The following NCKAP5 variants were observed in gnomAD, a reference collection of about 807,000 sequenced individuals.
NCKAP5 encodes NCK associated protein 5.
NCKAP5 carries 92 observed loss-of-function variants against 167.0 expected under a neutral mutation model. The observed-to-expected ratio is 0.55, with a 90% confidence interval of 0.47 to 0.66. The LOEUF (loss-of-function observed/expected upper bound fraction) is 0.66. Ranked by LOEUF, NCKAP5 falls within the 30% of genes least tolerant of loss-of-function variation. NCKAP5 has a pLI of 0.00. For missense variants in NCKAP5, 2,378 were observed against 2,315.0 expected (o/e 1.03, Z -0.56); for synonymous variants, 891 against 877.4 (o/e 1.02, Z -0.27).
chr2:133,616,378 G>A, the NCKAP5 span, among the ~76,000 whole-genome samples: 1 of 152,026 alleles, frequency 6.6e-6, no homozygotes, highest in Non-Finnish European at 1.5e-5. Context: ...TTTTTTGAAA[G>A]CATCAACAAA....
chr2:133,330,409 T>C (rs1682775691), intron 3 of NCKAP5, among the ~76,000 whole-genome samples: 1 of 150,612 alleles, frequency 6.6e-6, no homozygotes, highest in Admixed American at 6.6e-5. Context: ...TTTTTTTTTT[T>C]CTTATTAAAT....
intron 8 of NCKAP5, among the ~76,000 whole-genome samples, chr2:132,904,488 T>C (rs1267155756): frequency 6.6e-5 from 10 of 152,152 alleles, no homozygotes; most frequent in Admixed American, 5.2e-4. Flanking sequence ...ATAAATCTCA[T>C]TTTACATCAT....
intron 14 of NCKAP5, 131 bp from the exon 15 acceptor site, chr2:132,781,360 G>T: frequency 2.7e-6 from 2 of 748,346 alleles, no homozygotes; most frequent in Non-Finnish European, 4.1e-6. Flanking sequence ...GACGGATAAG[G>T]GTTTCTCATG....
the NCKAP5 span, among the ~76,000 whole-genome samples, chr2:133,667,344 T>C: frequency 6.6e-6 from 1 of 152,016 alleles, no homozygotes; most frequent in Non-Finnish European, 1.5e-5. Flanking sequence ...TCTCATCCTT[T>C]ATCCTCTTTC....
chr2:132,750,674 A>T (rs929188650), intron 16 of NCKAP5, among the ~76,000 whole-genome samples: 1 of 152,224 alleles, frequency 6.6e-6, no homozygotes, highest in South Asian at 2.1e-4. Context: ...AGTGCTAAGC[A>T]TGAACATTTT....
intron 10 of NCKAP5, among the ~76,000 whole-genome samples, chr2:132,864,990 G>C (rs1690229384): frequency 6.6e-6 from 1 of 152,012 alleles, no homozygotes. Flanking sequence ...AGCTTCATGG[G>C]ATGTCTTTTC....
chr2:133,485,844 G>A (rs956303099), intron 3 of NCKAP5, among the ~76,000 whole-genome samples: 2 of 152,146 alleles, frequency 1.3e-5, no homozygotes, highest in African/African-American at 4.8e-5. Flanking sequence ...TCTTTACACT[G>A]AGGCAACACT....
chr2:133,400,163 T>C (rs1282813811), intron 3 of NCKAP5, among the ~76,000 whole-genome samples: 2 of 152,238 alleles, frequency 1.3e-5, no homozygotes, highest in East Asian at 3.9e-4. Flanking sequence ...CATAAAATAG[T>C]TTCAGTTAAT....
At chr2:133,053,608 G>A (rs1245526200) in intron 6 of NCKAP5, among the ~76,000 whole-genome samples, 1 of 152,116 alleles carries the variant, frequency 6.6e-6, no homozygotes, top group Non-Finnish European at 1.5e-5. Context: ...GCCATGCATG[G>A]CCATGCAAAT....
rs184788117 is a variant in NCKAP5 at position 133,567,012 on chromosome 2, G to A, written c.-130+1204C>T. On this transcript the variant is annotated intron_variant, in intron 1 of 19. Coordinates refer to ENST00000409261, the MANE Select transcript of NCKAP5 (RefSeq NM_207363.3). ...TCACAATTCTGAGACTAGAGACAAG[G>A]AAAAGGTAGTGAAGGCTGTCACCAT... Among the ~76,000 whole-genome samples, 1,005 of 152,318 alleles carry A rather than the reference G, an allele frequency of 6.6e-3. 7 individuals carry two copies. The highest frequency in any genetic ancestry group is 8.7e-3 in the Non-Finnish European group (591 of 68,018).
intron 6 of NCKAP5, among the ~76,000 whole-genome samples, chr2:133,026,056 G>A (rs1409421112): frequency 6.6e-6 from 1 of 152,052 alleles, no homozygotes; most frequent in Non-Finnish European, 1.5e-5. Flanking sequence ...GTGTGAGATG[G>A]TATCTCATTG....
the NCKAP5 span, among the ~76,000 whole-genome samples, chr2:133,629,248 G>A: frequency 1.3e-5 from 2 of 152,170 alleles, no homozygotes. Flanking sequence ...TCTGACAAAG[G>A]TCTAATATCC....
chr2:133,275,902 A>C (rs1450048889), intron 4 of NCKAP5, among the ~76,000 whole-genome samples: 1 of 152,056 alleles, frequency 6.6e-6, no homozygotes, highest in East Asian at 1.9e-4. Context: ...CTTAAACAAC[A>C]CAGTATGAGC....
At chr2:133,548,983 C>T (rs892649861) in intron 2 of NCKAP5, among the ~76,000 whole-genome samples, 1 of 151,918 alleles carries the variant, frequency 6.6e-6, no homozygotes, top group East Asian at 1.9e-4. Context: ...TCAGGAAACC[C>T]ATCTCACATG....
intron 8 of NCKAP5, among the ~76,000 whole-genome samples, chr2:132,941,844 G>C (rs139325319): frequency 6.6e-6 from 1 of 152,232 alleles, no homozygotes; most frequent in African/African-American, 2.4e-5. Context: ...ATTGATGAAA[G>C]AAACCATTGT....
At chr2:132,770,027 G>C (rs1681882898) in intron 16 of NCKAP5, among the ~76,000 whole-genome samples, 1 of 152,150 alleles carries the variant, frequency 6.6e-6, no homozygotes, top group African/African-American at 2.4e-5. Context: ...CAAAAGTAGG[G>C]TTCTACCACA....
chr2:133,399,139 C>A (rs576095349), intron 3 of NCKAP5, among the ~76,000 whole-genome samples: 1 of 152,140 alleles, frequency 6.6e-6, no homozygotes, highest in East Asian at 1.9e-4. Flanking sequence ...AACATGCTCT[C>A]GCTCTTCATT....
chr2:133,674,199 A>G, the NCKAP5 span, among the ~76,000 whole-genome samples: 2 of 151,288 alleles, frequency 1.3e-5, no homozygotes, highest in Non-Finnish European at 2.9e-5. Flanking sequence ...AGTAAACCAG[A>G]ATGCTTGGGT....
intron 6 of NCKAP5, among the ~76,000 whole-genome samples, chr2:133,003,148 C>T (rs2077845570): frequency 6.6e-6 from 1 of 152,206 alleles, no homozygotes; most frequent in Admixed American, 6.5e-5. Flanking sequence ...CTGTCGGCTC[C>T]TGGCAGACTA....
Sources: allele counts gnomAD v4.1 joint callset (sites outside exome capture counted in the v4.1 genomes callset), GRCh38; gene constraint gnomAD v4.1.1; transcripts MANE v1.5; gene names NCBI Gene and HGNC (gene_info 2026-07-23, HGNC 2026-07-21).